The following CUX1 variants were observed in gnomAD, a reference collection of about 807,000 sequenced individuals.
CUX1 encodes protein CASP.
In CUX1, 31 loss-of-function variants were observed where a neutral mutation model predicts 158.8. The observed-to-expected ratio is 0.20, with a 90% CI of 0.15 to 0.26. The LOEUF is 0.26. Ranked by LOEUF, CUX1 falls within the 10% of genes least tolerant of loss-of-function variation. The pLI, the probability that CUX1 is intolerant of heterozygous loss-of-function variation, is 1.00. For synonymous variants in CUX1, 879 were observed against 862.1 expected (o/e 1.02, Z -0.34); for missense variants, 1,589 against 2,014.6 (o/e 0.79, Z 4.04).
chr7:102,250,628 C>A lies in CUX1; in HGVS notation c.*1586C>A. ...CCAAAACGTGGATGCTCTTCAACTT[C>A]CAAACCTACCATTTGCCCTTCTTTC... On this transcript the variant is annotated 3_prime_UTR_variant, in exon 24 of 24. Coordinates refer to ENST00000292535, the MANE Select transcript of CUX1 (RefSeq NM_181552.4). 6.1e-6 allele frequency: 6 copies of A among 985,448 alleles called. No homozygotes were observed. The highest frequency in any genetic ancestry group is 7.2e-6 in the Non-Finnish European group (6 of 829,942). 61.0% of individuals were successfully genotyped at this position (985,448 alleles called of 1,614,324 possible).
intron 20 of CUX1, among the ~76,000 whole-genome samples, chr7:102,214,178 A>G (rs1422608958): frequency 6.6e-6 from 1 of 152,128 alleles, no homozygotes; most frequent in African/African-American, 2.4e-5. Flanking sequence ...CCCTTCTCTT[A>G]CGGATGGAGT....
At position 102,257,065 on chromosome 7, in the gene CUX1, A is replaced by G; in HGVS notation, c.*8023A>G. 1 of 985,340 alleles carries G rather than the reference A, an allele frequency of 1.0e-6. No individual in the cohort carries two copies. The highest frequency in any genetic ancestry group is 1.2e-6 in the Non-Finnish European group (1 of 829,954). 61.0% of individuals were successfully genotyped at this position (985,340 alleles called of 1,614,324 possible). On this transcript the variant is annotated 3_prime_UTR_variant, in exon 24 of 24. Coordinates refer to ENST00000292535, the MANE Select transcript of CUX1 (RefSeq NM_181552.4). ...TGTGGCCCCAAGCTCAGCCAGCAGG[A>G]CACCCAGTTGTTGCCAATCAGGTGT...
intron 1 of CUX1, among the ~76,000 whole-genome samples, chr7:101,900,725 T>C (rs1234719858): frequency 2.0e-5 from 3 of 152,052 alleles, no homozygotes; most frequent in African/African-American, 7.2e-5. Flanking sequence ...GGTAGAGGTC[T>C]AGTGCAAGCC....
At chr7:102,025,350 G>C (rs575976169) in intron 2 of CUX1, among the ~76,000 whole-genome samples, 1 of 152,078 alleles carries the variant, frequency 6.6e-6, no homozygotes, top group Non-Finnish European at 1.5e-5. Context: ...TTGGTGGCCA[G>C]GCATGGTGGC....
intron 3 of CUX1, among the ~76,000 whole-genome samples, chr7:102,036,648 A>C (rs1418295772): frequency 6.6e-6 from 1 of 151,842 alleles, no homozygotes; most frequent in Admixed American, 6.6e-5. Context: ...AGGCTGAGGC[A>C]GGAGAATTGC....
chr7:102,035,652 C>CAAAAA (rs10699446), intron 3 of CUX1, among the ~76,000 whole-genome samples: 3 of 90,636 alleles, frequency 3.3e-5, no homozygotes, highest in Non-Finnish European at 2.1e-5. Context: ...GATAGCCAGC[C>CAAAAA]AAAAAAAAAA....
chr7:101,883,916 T>C (rs1020205758), intron 1 of CUX1, among the ~76,000 whole-genome samples: 2 of 151,134 alleles, frequency 1.3e-5, no homozygotes, highest in Admixed American at 1.3e-4. Context: ...TTATTTTTTA[T>C]AAGATAGGAT....
intron 23 of CUX1, among the ~76,000 whole-genome samples, chr7:102,240,039 C>T (rs944283486): frequency 1.5e-4 from 23 of 152,124 alleles, no homozygotes; most frequent in Admixed American, 5.2e-4. Context: ...TGAGCCACCA[C>T]GCCTGGCAGT....
intron 2 of CUX1, among the ~76,000 whole-genome samples, chr7:102,008,742 T>C (rs1480082448): frequency 3.3e-5 from 5 of 152,084 alleles, no homozygotes; most frequent in African/African-American, 9.7e-5. Flanking sequence ...GGCCTGAACA[T>C]TGAGCAATTG....
At chr7:101,919,969 C>T (rs1216884655) in intron 2 of CUX1, among the ~76,000 whole-genome samples, 1 of 152,154 alleles carries the variant, frequency 6.6e-6, no homozygotes, top group Admixed American at 6.5e-5. Flanking sequence ...GCTCTGTCAC[C>T]CAGGCTGGAG....
chr7:102,088,174 T>C (rs1452844642), intron 4 of CUX1, among the ~76,000 whole-genome samples: 3 of 152,090 alleles, frequency 2.0e-5, no homozygotes, highest in Non-Finnish European at 4.4e-5. Context: ...ATTTTTGTAT[T>C]TTTAGTAGAG....
intron 1 of CUX1, among the ~76,000 whole-genome samples, chr7:101,851,446 G>A (rs1796254651): frequency 6.6e-6 from 1 of 152,004 alleles, no homozygotes; most frequent in Admixed American, 6.5e-5. Context: ...CCATGGCTTT[G>A]TTCTTCCTGG....
chr7:102,112,055 T>C (rs1830947181), intron 7 of CUX1: 1 of 326,414 alleles, frequency 3.1e-6, no homozygotes. Flanking sequence ...CAACAAACAC[T>C]TCTAAATCAC....
At chr7:101,965,054 C>T (rs537239882) in intron 2 of CUX1, among the ~76,000 whole-genome samples, 2 of 152,346 alleles carry the variant, frequency 1.3e-5, no homozygotes, top group Admixed American at 1.3e-4. Context: ...ACAAGCCTGA[C>T]AACCATGAAC....
chr7:102,270,159 C>T (rs1791111299), intron 14 of CUX1, among the ~76,000 whole-genome samples: 1 of 152,236 alleles, frequency 6.6e-6, no homozygotes, highest in South Asian at 2.1e-4. Flanking sequence ...AATGCAAGCC[C>T]GGTTCTGGAC....
At chr7:101,989,207 A>T (rs1343591301) in intron 2 of CUX1, among the ~76,000 whole-genome samples, 1 of 151,878 alleles carries the variant, frequency 6.6e-6, no homozygotes. Context: ...ACTCTGTAGC[A>T]TGCAGGCCTC....
At chr7:102,130,791 GCTT>G (rs1203310018) in intron 8 of CUX1, among the ~76,000 whole-genome samples, 2 of 152,038 alleles carry the variant, frequency 1.3e-5, no homozygotes, top group African/African-American at 4.8e-5. Flanking sequence ...TGACCTTTTT[GCTT>G]CTTCTAAGTT....
intron 1 of CUX1, among the ~76,000 whole-genome samples, chr7:101,903,307 T>C (rs1289873679): frequency 1.3e-5 from 2 of 152,040 alleles, no homozygotes; most frequent in African/African-American, 2.4e-5. Context: ...GAGAAAGCTA[T>C]GGGGAACCCA....
At chr7:101,944,982 C>A (rs1384890880) in intron 2 of CUX1, among the ~76,000 whole-genome samples, 1 of 152,218 alleles carries the variant, frequency 6.6e-6, no homozygotes, top group Non-Finnish European at 1.5e-5. Flanking sequence ...AGAGTTAACA[C>A]CAAATGCCAC....
Sources: allele counts gnomAD v4.1 joint callset (sites outside exome capture counted in the v4.1 genomes callset), GRCh38; gene constraint gnomAD v4.1.1; transcripts MANE v1.5; gene names NCBI Gene and HGNC (gene_info 2026-07-23, HGNC 2026-07-21).